Variants in ATP8A2 observed in about 807,000 individuals in gnomAD.
ATP8A2 encodes the protein phospholipid-transporting ATPase IB.
Under a neutral mutation model 165.6 loss-of-function variants are expected in ATP8A2, and 100 were observed. That is an observed-to-expected ratio of 0.60 (90% CI 0.51 to 0.71). The LOEUF (loss-of-function observed/expected upper bound fraction) is 0.71. Ranked by LOEUF, ATP8A2 falls within the 30% of genes least tolerant of loss-of-function variation. The probability of loss-of-function intolerance (pLI) is 0.00; values close to 1 mark genes in which losing one functional copy is unlikely to be tolerated. For missense variants in ATP8A2, 1,227 were observed against 1,479.5 expected (o/e 0.83, Z 2.80); for synonymous variants, 543 against 548.8 (o/e 0.99, Z 0.15).
intron 35 of ATP8A2, among the ~76,000 whole-genome samples, chr13:25,982,195 AACT>A (rs1463015146): frequency 2.2e-4 from 34 of 152,328 alleles, no homozygotes; most frequent in African/African-American, 7.7e-4. Context: ...TTTAAAAAAG[AACT>A]GAGGACAGGA....
chr13:25,955,837 G>A (rs1955505677), intron 33 of ATP8A2, among the ~76,000 whole-genome samples: 1 of 152,106 alleles, frequency 6.6e-6, no homozygotes. Context: ...AAAAATTTCA[G>A]GCCAATATCC....
intron 24 of ATP8A2, among the ~76,000 whole-genome samples, chr13:25,659,809 A>G (rs893187987): frequency 3.9e-5 from 6 of 152,190 alleles, no homozygotes; most frequent in Admixed American, 3.3e-4. Flanking sequence ...TGAATTAATA[A>G]TACTGTAAAG....
At chr13:25,602,435 C>G (rs974434975) in intron 24 of ATP8A2, among the ~76,000 whole-genome samples, 11 of 152,124 alleles carry the variant, frequency 7.2e-5, no homozygotes, top group Non-Finnish European at 1.3e-4. Flanking sequence ...GATGGCACCT[C>G]CCACTTTGCC....
chr13:25,565,411 T>C (rs1159685439), intron 16 of ATP8A2, among the ~76,000 whole-genome samples: 2 of 152,240 alleles, frequency 1.3e-5, no homozygotes, highest in Non-Finnish European at 2.9e-5. Flanking sequence ...ATTTTTTGGT[T>C]ATGGCCATTC....
chr13:25,422,449 C>T (rs1019528227), intron 1 of ATP8A2, among the ~76,000 whole-genome samples: 6 of 152,154 alleles, frequency 3.9e-5, no homozygotes, highest in Admixed American at 2.0e-4. Flanking sequence ...TTAAAATCCC[C>T]GTTGACATTG....
At chr13:25,858,777 A>G (rs1593460274) in intron 30 of ATP8A2, among the ~76,000 whole-genome samples, 1 of 152,224 alleles carries the variant, frequency 6.6e-6, no homozygotes, top group East Asian at 1.9e-4. Context: ...AGTATAAAAA[A>G]AGAATAAAAC....
intron 27 of ATP8A2, among the ~76,000 whole-genome samples, chr13:25,805,424 G>A (rs996502247): frequency 3.9e-5 from 6 of 152,120 alleles, no homozygotes; most frequent in Non-Finnish European, 1.5e-5. Context: ...GCTAAGATCA[G>A]AGGATCACCT....
At chr13:25,538,364 T>G (rs1047875092) in intron 7 of ATP8A2, among the ~76,000 whole-genome samples, 2 of 152,196 alleles carry the variant, frequency 1.3e-5, no homozygotes, top group Admixed American at 1.3e-4. Context: ...GTCCATTCAT[T>G]AATGTCAGGT....
chr13:25,428,604 C>A (rs1171206391), intron 1 of ATP8A2, among the ~76,000 whole-genome samples: 1 of 152,166 alleles, frequency 6.6e-6, no homozygotes, highest in Non-Finnish European at 1.5e-5. Flanking sequence ...GAGAGAAGGG[C>A]ATGTCTGACC....
intron 1 of ATP8A2, among the ~76,000 whole-genome samples, chr13:25,406,593 A>G (rs2033808560): frequency 6.6e-6 from 1 of 152,198 alleles, no homozygotes; most frequent in Admixed American, 6.5e-5. Flanking sequence ...GAATGCAGAA[A>G]GGACAAGGAG....
In ATP8A2 at chr13:25,630,344, CAGG is replaced by C. The variant is rs143199676; in HGVS notation, c.2211+40648_2211+40650del. On this transcript the variant is annotated intron_variant, in intron 24 of 36. Transcript: ENST00000381655. ...CACTCCAGATATTGTTGCGTGTGTC[CAGG>C]AGAAGTGGCAGCGTTGATCTCCATA... Among the ~76,000 whole-genome samples, 567 of 152,276 alleles carry C rather than the reference CAGG, an allele frequency of 3.7e-3. 7 individuals are homozygous for C. The highest frequency in any genetic ancestry group is 0.013 in the African/African-American group (545 of 41,546).
intron 25 of ATP8A2, among the ~76,000 whole-genome samples, chr13:25,740,435 C>T (rs902955640): frequency 1.3e-5 from 2 of 151,626 alleles, no homozygotes; most frequent in Non-Finnish European, 2.9e-5. Context: ...CAGTCATTGG[C>T]AGAAAGCGAC....
chr13:25,731,060 AGAAG>A (rs1432364338), intron 25 of ATP8A2, among the ~76,000 whole-genome samples: 2 of 151,674 alleles, frequency 1.3e-5, no homozygotes, highest in Non-Finnish European at 2.9e-5. Flanking sequence ...GTCGCAAAAA[AGAAG>A]GAGAGGGGAG....
intron 24 of ATP8A2, among the ~76,000 whole-genome samples, chr13:25,693,549 G>A (rs1268419022): frequency 6.6e-6 from 1 of 152,166 alleles, no homozygotes; most frequent in African/African-American, 2.4e-5. Context: ...GAAGAGAATG[G>A]AAGAGTAAGC....
intron 1 of ATP8A2, among the ~76,000 whole-genome samples, chr13:25,388,210 G>A (rs529953920): frequency 3.9e-5 from 6 of 152,208 alleles, no homozygotes; most frequent in Admixed American, 3.3e-4. Flanking sequence ...AAGGAAAGAA[G>A]GAAGGAAGGG....
intron 24 of ATP8A2, among the ~76,000 whole-genome samples, chr13:25,651,414 G>A (rs2041809257): frequency 1.3e-5 from 2 of 151,814 alleles, no homozygotes; most frequent in South Asian, 4.2e-4. Context: ...CTGCACTCCA[G>A]CCTGGCGGCA....
At chr13:25,745,818 C>G (rs572600408) in intron 25 of ATP8A2, among the ~76,000 whole-genome samples, 4 of 152,150 alleles carry the variant, frequency 2.6e-5, no homozygotes, top group African/African-American at 9.7e-5. Flanking sequence ...AAACAAAAAC[C>G]ACCTGAGTTT....
At chr13:25,414,196 T>G (rs73168572) in intron 1 of ATP8A2, among the ~76,000 whole-genome samples, 31,003 of 125,472 alleles carry the variant, frequency 0.25, 3,862 homozygotes, top group East Asian at 0.53. Context: ...GTTTTTTTTT[T>G]TTTTTTTTTT....
chr13:25,468,823 T>C (rs2137518968), intron 1 of ATP8A2, 154 bp from the exon 2 acceptor site: 1 of 984,114 alleles, frequency 1.0e-6, no homozygotes, highest in Non-Finnish European at 1.2e-6. Context: ...GGCGGCGGCG[T>C]CTCCAGGGGG....
Sources: allele counts gnomAD v4.1 joint callset (sites outside exome capture counted in the v4.1 genomes callset), GRCh38; gene constraint gnomAD v4.1.1; transcripts MANE v1.5; gene names NCBI Gene and HGNC (gene_info 2026-07-23, HGNC 2026-07-21).